Variants in SMARCC2 observed in about 807,000 individuals in gnomAD.
SMARCC2 encodes the protein SWI/SNF related BAF chromatin remodeling complex subunit C2, also known as SWI/SNF complex subunit SMARCC2.
A neutral mutation model predicts 151.3 loss-of-function variants in SMARCC2; 15 were observed. The observed-to-expected ratio is 0.10, with a 90% CI of 0.07 to 0.15. SMARCC2 has a LOEUF of 0.15. SMARCC2 is among the 10% of genes least tolerant of loss of function. SMARCC2 has a pLI of 1.00. For missense variants in SMARCC2, 1,031 were observed against 1,599.7 expected (o/e 0.64, Z 6.06); for synonymous variants, 590 against 609.5 (o/e 0.97, Z 0.47).
At chr12:56,168,235 C>T in intron 25 of SMARCC2, 41 bp from the exon 26 acceptor site, 1 of 1,612,082 alleles carries the variant, frequency 6.2e-7, no homozygotes, top group Non-Finnish European at 8.5e-7. Context: ...GTGGGAGGAC[C>T]CAACTGAAGA....
Position 56,181,473 on chromosome 12 carries a change from C to G in SMARCC2, c.956+9G>C. On this transcript the variant is annotated intron_variant, in intron 10 of 28. Transcript: ENST00000550164. The stretch of plus-strand genomic sequence containing the variant: ...GGTGAACACGGGGGCAGGCTAGGGG[C>G]TGGCACACCCTTTCTTAGCATTTTT... 1 of 1,467,868 alleles carries G rather than the reference C, an allele frequency of 6.8e-7. No homozygotes were observed. Among genetic ancestry groups the G allele is most frequent in the East Asian group, 2.3e-5 (1 of 44,040 alleles). The allele number at this position is 1,467,868 out of a possible 1,614,324, so 90.9% of individuals were successfully genotyped here. A position where few individuals can be genotyped will look rare whatever the true frequency, so the allele number is the denominator to read the frequency against.
intron 26 of SMARCC2, 151 bp from the exon 27 acceptor site, chr12:56,165,850 TC>T: frequency 1.3e-6 from 1 of 742,750 alleles, no homozygotes; most frequent in Non-Finnish European, 2.2e-6. Context: ...CCCTCTGTCC[TC>T]CCCACCCGAC....
At chr12:56,175,423 T>TA (rs1229883762) in intron 15 of SMARCC2, among the ~76,000 whole-genome samples, 5 of 152,230 alleles carry the variant, frequency 3.3e-5, no homozygotes, top group African/African-American at 9.6e-5. Context: ...CATACCACGG[T>TA]AAAAAACATA....
chr12:56,180,477 C>T (rs533301256), intron 11 of SMARCC2, among the ~76,000 whole-genome samples: 1 of 149,858 alleles, frequency 6.7e-6, no homozygotes, highest in South Asian at 2.1e-4. Context: ...AATCTCGGCT[C>T]CCTGCAACCT....
intron 25 of SMARCC2, 38 bp from the exon 26 acceptor site, chr12:56,168,232 G>A: frequency 3.7e-6 from 6 of 1,612,120 alleles, no homozygotes; most frequent in East Asian, 2.2e-5. Context: ...TCAGTGGGAG[G>A]ACCCAACTGA....
At chr12:56,181,671 G>C in intron 9 of SMARCC2, 33 bp downstream of exon 9, 1 of 1,614,068 alleles carries the variant, frequency 6.2e-7, no homozygotes, top group African/African-American at 1.3e-5. Context: ...CTTATGCTAA[G>C]GGCGCCAGGA....
rs1592307435 is a variant in SMARCC2, at chr12:56,178,544, T to C, written c.1180-10A>G. The C allele has an allele frequency of 6.2e-7, 1 of 1,614,074 alleles. No homozygotes were observed. Among genetic ancestry groups the C allele is most frequent in the East Asian group, 2.2e-5 (1 of 44,900 alleles). ...TGTTCTCATCCTCATCCTACGAGTATGGAGGCTGCTGGACACTCAGCATTC... is the reference window on the plus strand; with the variant it reads ...TGTTCTCATCCTCATCCTACGAGTACGGAGGCTGCTGGACACTCAGCATTC... On this transcript the variant is annotated splice_polypyrimidine_tract_variant and intron_variant, in intron 13 of 28. Transcript: ENST00000550164.
Position 56,189,478 on chromosome 12 carries a change from C to CCCG in SMARCC2, c.-20_-18dup. The stretch of plus-strand genomic sequence containing the variant: ...CACCGCCATCTTCTCCGGCTCGGGC[C>CCCG]CCGCCGCCGCCCGCCCCACTCAGCT... On this transcript the variant is annotated 5_prime_UTR_variant, in exon 1 of 29. Transcript: ENST00000550164. 7.1e-7 allele frequency: 1 copy of CCCG among 1,417,418 alleles called. No individual in the cohort carries two copies. The highest frequency in any genetic ancestry group is 9.5e-7 in the Non-Finnish European group (1 of 1,056,138). The allele number at this position is 1,417,418 out of a possible 1,614,324, so 87.8% of individuals were successfully genotyped here.
In SMARCC2 at chr12:56,178,475, A is replaced by G; in HGVS notation, c.1239T>C (p.His413=). 6 of 1,614,192 alleles carry G rather than the reference A, an allele frequency of 3.7e-6. No homozygotes were observed. Among genetic ancestry groups the G allele is most frequent in the Non-Finnish European group, 5.1e-6 (6 of 1,180,008 alleles). Reference sequence around the variant, plus strand: ...GGGTCTGTTCAGTCACATTGTCCTCATGCAGGTCTGGATTCTTGGTCTGCT... The same window carrying G: ...GGGTCTGTTCAGTCACATTGTCCTCGTGCAGGTCTGGATTCTTGGTCTGCT... The part of the protein sequence containing the change: ...KGEQTKNPDL[H]EDNVTEQTHH... The change falls in exon 14 of 29, where the codon CAT becomes CAC. Residue 413 remains histidine (H), a synonymous_variant. Coordinates refer to ENST00000550164, the MANE Select transcript of SMARCC2 (RefSeq NM_001330288.2).
At position 56,164,565 on chromosome 12, in the gene SMARCC2, T is replaced by C; in HGVS notation, c.3399A>G (p.Leu1133=). ...GGAGGTTAATACTGATGGAGTCAGC[T>C]AGACTACCAAATGGGATGATGGATG... ...PAPSIIPFGS[L]ADSISINLPA... The change falls in exon 28 of 29, where the codon CTA becomes CTG. Residue 1133 remains leucine, a synonymous_variant. Coordinates refer to ENST00000550164, the MANE Select transcript of SMARCC2 (RefSeq NM_001330288.2). 1 of 1,613,928 alleles carries C rather than the reference T, an allele frequency of 6.2e-7. No homozygotes were observed. Among genetic ancestry groups the C allele is most frequent in the Non-Finnish European group, 8.5e-7 (1 of 1,179,948 alleles).
chr12:56,187,631 T>G lies in SMARCC2; in HGVS notation c.112-325A>C, dbSNP rs187939662. ...ATCTTTAACCAACAGCACTGAGGGTTGTAAAATTCTGGAGGTTTATAAAGT... is the reference window on the plus strand; with the variant it reads ...ATCTTTAACCAACAGCACTGAGGGTGGTAAAATTCTGGAGGTTTATAAAGT... On this transcript the variant is annotated intron_variant, in intron 1 of 28. Transcript: ENST00000550164. Among the ~76,000 whole-genome samples, 70 of 152,302 alleles carry G rather than the reference T, an allele frequency of 4.6e-4. No individual in the cohort carries two copies. The East Asian group carries it at 7.9e-3, about 17-fold the overall frequency.
intron 13 of SMARCC2, 68 bp from the exon 14 acceptor site, chr12:56,178,602 C>T: frequency 6.2e-7 from 1 of 1,607,586 alleles, no homozygotes; most frequent in Non-Finnish European, 8.5e-7. Context: ...CTGCTTCTCC[C>T]ACACCCCAGG....
rs755052389 is a variant in SMARCC2 at position 56,168,192 on chromosome 12, G to A, written c.2718C>T (p.His906=). The change falls in exon 26 of 29, where the codon CAC becomes CAT. Residue 906 remains histidine, a splice_region_variant and synonymous_variant. Coordinates refer to ENST00000550164, the MANE Select transcript of SMARCC2 (RefSeq NM_001330288.2). ...ALAAAAVKAK[H]LAAVEERKIK... is the part of the protein sequence containing the mutation. ...TCTTCCTTTCCTCAACAGCAGCCAA[G>A]TGCTAGGGAAGGAGGGGCGAGACAG... 3.7e-6 allele frequency: 6 copies of A among 1,614,068 alleles called. No homozygotes were observed. Among genetic ancestry groups the A allele is most frequent in the Non-Finnish European group, 5.1e-6 (6 of 1,179,994 alleles).
In SMARCC2 at chr12:56,172,594, A is replaced by T; in HGVS notation, c.1854T>A (p.Val618=). 1 of 1,614,072 alleles carries T rather than the reference A, an allele frequency of 6.2e-7. No individual in the cohort carries two copies. The change falls in exon 19 of 29, where the codon GTT becomes GTA. Residue 618 remains valine, a synonymous_variant. Transcript: ENST00000550164. ...GGCCCGCACCTCCTACCTTGGAGGG[A>T]ACATTCTTTTTTGTGTACATGTCTG... ...LRTDMYTKKN[V]PSKSKAAASA...
intron 27 of SMARCC2, 73 bp from the exon 28 acceptor site, chr12:56,164,804 T>C: frequency 7.8e-7 from 1 of 1,275,156 alleles, no homozygotes; most frequent in South Asian, 1.4e-5. Context: ...TTCTATTTTT[T>C]TTTTAGACGG....
intron 28 of SMARCC2, 35 bp downstream of exon 28, chr12:56,164,268 T>TCCCTCA (rs771922866): frequency 1.3e-6 from 2 of 1,598,658 alleles, no homozygotes; most frequent in Non-Finnish European, 1.7e-6. Flanking sequence ...TGGACCCCTC[T>TCCCTCA]CCCTCACCCT....
intron 3 of SMARCC2, chr12:56,185,907 A>C: frequency 1.9e-6 from 1 of 517,084 alleles, no homozygotes; most frequent in Non-Finnish European, 3.4e-6. Flanking sequence ...AGGGACAAAA[A>C]AAGGTTTGAG....
At chr12:56,183,954 A>G in intron 6 of SMARCC2, 24 bp from the exon 7 acceptor site, 8 of 1,565,706 alleles carry the variant, frequency 5.1e-6, no homozygotes, top group Non-Finnish European at 7.0e-6. Flanking sequence ...AAGAGAAGGG[A>G]GAGATATAAG....
intron 8 of SMARCC2, 65 bp downstream of exon 8, chr12:56,181,939 A>G (rs1876294887): frequency 6.3e-7 from 1 of 1,586,322 alleles, no homozygotes; most frequent in African/African-American, 1.3e-5. Flanking sequence ...CCTCTGTTTC[A>G]CTTCCAAAGG....
Sources: allele counts gnomAD v4.1 joint callset (sites outside exome capture counted in the v4.1 genomes callset), GRCh38; gene constraint gnomAD v4.1.1; transcripts MANE v1.5; gene names NCBI Gene and HGNC (gene_info 2026-07-23, HGNC 2026-07-21).